The following TAFA1 variants were observed in gnomAD, a reference collection of about 807,000 sequenced individuals.
TAFA1 encodes the protein chemokine-like protein TAFA-1.
In TAFA1, 4 loss-of-function variants were observed where a neutral mutation model predicts 18.5. The ratio of observed to expected loss-of-function variants is 0.22; its 90% CI spans 0.11 to 0.49. The LOEUF is 0.49. Among genes scored for constraint, TAFA1 ranks in the 20% least tolerant of loss-of-function variants. TAFA1 has a pLI of 0.98. For synonymous variants in TAFA1, 56 were observed against 55.2 expected (o/e 1.01, Z -0.06); for missense variants, 147 against 169.0 (o/e 0.87, Z 0.72).
At chr3:68,198,328 G>A (rs554265236) in intron 2 of TAFA1, among the ~76,000 whole-genome samples, 1 of 151,688 alleles carries the variant, frequency 6.6e-6, no homozygotes, top group African/African-American at 2.4e-5. Flanking sequence ...TAAAATTACT[G>A]TAAATGTGTG....
At chr3:68,400,776 A>G (rs1056580282) in intron 2 of TAFA1, among the ~76,000 whole-genome samples, 4 of 152,186 alleles carry the variant, frequency 2.6e-5, no homozygotes, top group Admixed American at 6.5e-5. Context: ...TGAGGGGAAA[A>G]TACACTAGGT....
chr3:68,278,017 G>A (rs575556340), intron 2 of TAFA1, among the ~76,000 whole-genome samples: 11 of 151,988 alleles, frequency 7.2e-5, no homozygotes, highest in South Asian at 6.2e-4. Context: ...ATCTTTATAC[G>A]GTATCCTTAC....
At chr3:68,115,521 A>C (rs2106846008) in intron 2 of TAFA1, among the ~76,000 whole-genome samples, 1 of 152,348 alleles carries the variant, frequency 6.6e-6, no homozygotes, top group African/African-American at 2.4e-5. Flanking sequence ...AGGATTAGTG[A>C]GAAATGACTA....
chr3:68,161,103 A>C (rs76346261), intron 2 of TAFA1, among the ~76,000 whole-genome samples: 20 of 152,344 alleles, frequency 1.3e-4, no homozygotes, highest in African/African-American at 4.8e-4. Context: ...TGTTATGATA[A>C]TACTTTGATG....
chr3:68,080,218 A>C (rs1405044295), intron 2 of TAFA1, among the ~76,000 whole-genome samples: 1 of 152,062 alleles, frequency 6.6e-6, no homozygotes, highest in Non-Finnish European at 1.5e-5. Flanking sequence ...TCTGCACGTG[A>C]GATGGATTTC....
At chr3:68,157,555 A>G (rs1402286113) in intron 2 of TAFA1, among the ~76,000 whole-genome samples, 1 of 152,228 alleles carries the variant, frequency 6.6e-6, no homozygotes, top group Non-Finnish European at 1.5e-5. Flanking sequence ...TCAATAGAAA[A>G]GACTAAGAAA....
Position 68,515,833 on chromosome 3 carries a change from A to G in TAFA1, c.260-22923A>G, listed in dbSNP as rs151278333. Among the ~76,000 whole-genome samples, 1,000 of 152,272 alleles carry G rather than the reference A, an allele frequency of 6.6e-3. 17 individuals are homozygous for G. The highest frequency in any genetic ancestry group is 0.023 in the African/African-American group (957 of 41,554). Reference sequence around the variant, plus strand: ...CTATACACTTAGGGTTTACTCAACAATTATCCCCTTTTTTTCCTTATGAAA... The same window carrying G: ...CTATACACTTAGGGTTTACTCAACAGTTATCCCCTTTTTTTCCTTATGAAA... On this transcript the variant is annotated intron_variant, in intron 3 of 4. Transcript: ENST00000478136.
intron 2 of TAFA1, among the ~76,000 whole-genome samples, chr3:68,307,316 T>A (rs2068439298): frequency 6.6e-6 from 1 of 152,226 alleles, no homozygotes; most frequent in Non-Finnish European, 1.5e-5. Context: ...ATTTGCTCAA[T>A]CTTGGGATTC....
chr3:68,009,995 A>G (rs1470412815), intron 2 of TAFA1, among the ~76,000 whole-genome samples: 5 of 152,238 alleles, frequency 3.3e-5, no homozygotes, highest in Non-Finnish European at 7.3e-5. Context: ...AACAAGTGAC[A>G]TGATGAGAAA....
At chr3:68,180,328 C>T (rs1165462924) in intron 2 of TAFA1, among the ~76,000 whole-genome samples, 1 of 152,012 alleles carries the variant, frequency 6.6e-6, no homozygotes, top group Admixed American at 6.6e-5. Context: ...GTGTGAGCCA[C>T]CACATCCAGC....
At chr3:68,475,680 T>A (rs1236334173) in intron 3 of TAFA1, among the ~76,000 whole-genome samples, 2 of 152,190 alleles carry the variant, frequency 1.3e-5, no homozygotes, top group Non-Finnish European at 2.9e-5. Context: ...TACCCAGTAA[T>A]GGGATGGCTG....
At chr3:68,472,004 T>A (rs2106949747) in intron 3 of TAFA1, among the ~76,000 whole-genome samples, 1 of 152,282 alleles carries the variant, frequency 6.6e-6, no homozygotes, top group Non-Finnish European at 1.5e-5. Context: ...GAGTTAATGC[T>A]GAAATGAGCT....
At chr3:68,208,941 A>G (rs2066561080) in intron 2 of TAFA1, among the ~76,000 whole-genome samples, 1 of 152,002 alleles carries the variant, frequency 6.6e-6, no homozygotes, top group Non-Finnish European at 1.5e-5. Flanking sequence ...CAAAATGTCT[A>G]AGAAATTCCA....
At chr3:68,536,554 G>A (rs1304747119) in intron 3 of TAFA1, among the ~76,000 whole-genome samples, 2 of 152,150 alleles carry the variant, frequency 1.3e-5, no homozygotes, top group Admixed American at 1.3e-4. Context: ...GATTCTGAAT[G>A]GGAAATGCCC....
At chr3:68,528,717 C>T (rs960286964) in intron 3 of TAFA1, among the ~76,000 whole-genome samples, 2 of 152,156 alleles carry the variant, frequency 1.3e-5, no homozygotes, top group African/African-American at 2.4e-5. Flanking sequence ...TAACCTACTT[C>T]TGGGAACATG....
intron 2 of TAFA1, among the ~76,000 whole-genome samples, chr3:68,324,210 T>C (rs2068739805): frequency 6.6e-6 from 1 of 152,326 alleles, no homozygotes; most frequent in African/African-American, 2.4e-5. Flanking sequence ...AGTTTGTGGA[T>C]TGTGTTTGTT....
intron 2 of TAFA1, among the ~76,000 whole-genome samples, chr3:68,138,166 TATCC>T (rs1053521577): frequency 6.6e-6 from 1 of 152,202 alleles, no homozygotes; most frequent in African/African-American, 2.4e-5. Context: ...GCTCAGTGAA[TATCC>T]ATGTTTTCCC....
intron 3 of TAFA1, among the ~76,000 whole-genome samples, chr3:68,532,854 T>G (rs1451583340): frequency 6.7e-6 from 1 of 150,042 alleles, no homozygotes; most frequent in Non-Finnish European, 1.5e-5. Context: ...AAAAATTATG[T>G]TTAGAGAATG....
At chr3:68,135,086 T>G (rs771790008) in intron 2 of TAFA1, among the ~76,000 whole-genome samples, 1 of 152,160 alleles carries the variant, frequency 6.6e-6, no homozygotes, top group Admixed American at 6.6e-5. Flanking sequence ...TGTTCCAGAT[T>G]GGAAGAACAA....
Sources: gnomAD v4.1 joint callset for allele counts (sites outside exome capture counted in the v4.1 genomes callset) on GRCh38, gnomAD v4.1.1 for gene constraint, MANE v1.5 for transcripts, NCBI Gene and HGNC (gene_info 2026-07-23, HGNC 2026-07-21) for gene names.